Variants in HEATR5B observed in about 807,000 individuals in gnomAD.
HEATR5B encodes the protein HEAT repeat-containing protein 5B.
HEATR5B carries 156 observed loss-of-function variants against 224.1 expected under a neutral mutation model. That is an observed-to-expected ratio of 0.70 (90% CI 0.61 to 0.80). HEATR5B has a LOEUF of 0.80. Ranked by LOEUF, HEATR5B falls within the 30% of genes least tolerant of loss-of-function variation. The pLI is 0.00. For synonymous variants in HEATR5B, 1,027 were observed against 893.0 expected, an observed-to-expected ratio of 1.15 and a Z score of -2.68; for missense variants, 2,323 against 2,535.5, an observed-to-expected ratio of 0.92 and a Z score of 1.80.
At chr2:37,051,976 G>C (rs1558346966) in intron 17 of HEATR5B, among the ~76,000 whole-genome samples, 1 of 152,082 alleles carries the variant, frequency 6.6e-6, no homozygotes. Flanking sequence ...CTGACCTCAG[G>C]TGATCCCCCC....
rs1162932870 is a variant in HEATR5B, at chr2:37,079,170, A to AT, written c.287dup (p.Asn96LysfsTer2). 6.2e-7 allele frequency: 1 copy of AT among 1,610,802 alleles called. No individual in the cohort carries two copies. Among genetic ancestry groups the AT allele is most frequent in the Non-Finnish European group, 8.5e-7 (1 of 1,177,664 alleles). ...TGTCATCTTTATTTCTGATAATGTC[A>AT]TTGCATTTATCAAGTGTCTGAAAAA... On this transcript the variant is annotated frameshift_variant, in exon 3 of 36. Coordinates refer to ENST00000233099, the MANE Select transcript of HEATR5B (RefSeq NM_019024.3). LOFTEE classifies it high-confidence loss of function.
At chr2:37,078,707 C>T (rs189086575) in intron 3 of HEATR5B, among the ~76,000 whole-genome samples, 208 of 152,216 alleles carry the variant, frequency 1.4e-3, no homozygotes, top group Middle Eastern at 3.4e-3. Context: ...TCTCCATTTC[C>T]TCTGTAAGCT....
At chr2:37,047,026 A>ACT (rs1262716825) in intron 18 of HEATR5B, among the ~76,000 whole-genome samples, 20 of 115,386 alleles carry the variant, frequency 1.7e-4, no homozygotes, top group African/African-American at 7.9e-4. Flanking sequence ...ACAGAACCAG[A>ACT]CTCCACCTCA....
chr2:37,020,064 C>T (rs1424672524), intron 25 of HEATR5B, among the ~76,000 whole-genome samples, 187 bp from the exon 26 acceptor site: 2 of 152,072 alleles, frequency 1.3e-5, no homozygotes, highest in Non-Finnish European at 2.9e-5. Flanking sequence ...CCACTACTGC[C>T]AGGCTAATTT....
chr2:37,008,899 A>T, intron 27 of HEATR5B, 51 bp from the exon 28 acceptor site: 1 of 1,098,384 alleles, frequency 9.1e-7, no homozygotes, highest in Non-Finnish European at 1.3e-6. Context: ...ATAAAAAAAT[A>T]AGATATTTTA....
At position 37,061,968 on chromosome 2, in the gene HEATR5B, C is replaced by A. The variant is rs760655140; in HGVS notation, c.1667G>T (p.Trp556Leu). The change falls in exon 11 of 36, where the codon TGG (tryptophan) becomes TTG (leucine). Residue 556 changes from tryptophan (W) to leucine (L), a missense_variant. Physicochemically the swap from Trp to Leu is moderately conservative, Grantham distance 61 (BLOSUM62 -2). This residue lies in a region of HEATR5B where 502 missense variants were observed against 517.8 expected (regional missense o/e 0.97). Coordinates refer to ENST00000233099, the MANE Select transcript of HEATR5B (RefSeq NM_019024.3). ...AGTCATAAGTGCTCCAAGTAAAAGCCAGCCAGCTTGGGTGCGCTGTAAAGA... is the reference window on the plus strand; with the variant it reads ...AGTCATAAGTGCTCCAAGTAAAAGCAAGCCAGCTTGGGTGCGCTGTAAAGA... ...RLSLQRTQAG[W>L]LLLGALMTLG... is the part of the protein sequence containing the mutation. 1 of 1,613,694 alleles carries A rather than the reference C, an allele frequency of 6.2e-7. No homozygotes were observed. Among genetic ancestry groups the A allele is most frequent in the East Asian group, 2.2e-5 (1 of 44,852 alleles).
intron 24 of HEATR5B, among the ~76,000 whole-genome samples, chr2:37,023,481 A>G (rs150941013): frequency 6.6e-6 from 1 of 152,286 alleles, no homozygotes; most frequent in African/African-American, 2.4e-5. Context: ...TTTAAAAAGA[A>G]TATCTGGCCA....
intron 16 of HEATR5B, among the ~76,000 whole-genome samples, chr2:37,054,766 A>T (rs572541177): frequency 5.3e-5 from 8 of 152,200 alleles, no homozygotes; most frequent in Non-Finnish European, 8.8e-5. Context: ...AACAGGTGTG[A>T]GCCACAACGC....
chr2:37,013,898 C>A lies in HEATR5B; in HGVS notation c.4227G>T (p.Leu1409=), dbSNP rs1275645844. Residue 1409 remains leucine (L), a synonymous_variant, in exon 27 of 36, where the codon CTG becomes CTT. Transcript: ENST00000233099. The part of the protein sequence containing the change: ...VQAGKGSSSQ[L]YRESATTMEK... The stretch of plus-strand genomic sequence containing the variant: ...CCATGGTCGTGGCACTCTCTCGGTA[C>A]AGCTGGCTGGAAGATCCTTTTCCAG... The A allele has an allele frequency of 6.2e-7, 1 of 1,612,902 alleles. No individual in the cohort carries two copies. The highest frequency in any genetic ancestry group is 8.5e-7 in the Non-Finnish European group (1 of 1,179,424).
At chr2:36,994,729 A>T (rs1055134933) in intron 33 of HEATR5B, among the ~76,000 whole-genome samples, 5 of 151,788 alleles carry the variant, frequency 3.3e-5, no homozygotes, top group African/African-American at 1.2e-4. Flanking sequence ...ACAAAAATTA[A>T]ATTAATTATT....
intron 8 of HEATR5B, among the ~76,000 whole-genome samples, chr2:37,066,521 C>T (rs2148575868): frequency 6.6e-6 from 1 of 152,248 alleles, no homozygotes; most frequent in East Asian, 1.9e-4. Flanking sequence ...CCTTAAGTTA[C>T]CTCTTACTGG....
rs542486651 is a variant in HEATR5B at position 37,015,410 on chromosome 2, A to G, written c.4105-1390T>C. ...GTAAGTAATATGTTAAGTGTCTTTTATAATACCATAGAACAGAGATGATAC... is the reference window on the plus strand; with the variant it reads ...GTAAGTAATATGTTAAGTGTCTTTTGTAATACCATAGAACAGAGATGATAC... On this transcript the variant is annotated intron_variant, in intron 26 of 35. Transcript: ENST00000233099. 1.1e-4 allele frequency among the ~76,000 whole-genome samples: 16 copies of G among 152,356 alleles called. No individual in the cohort carries two copies. In the South Asian group the frequency reaches 2.5e-3, roughly 24 times the overall value.
intron 18 of HEATR5B, among the ~76,000 whole-genome samples, chr2:37,045,619 C>A (rs771591793): frequency 1.2e-4 from 19 of 152,168 alleles, no homozygotes; most frequent in Non-Finnish European, 2.2e-4. Flanking sequence ...GTATTCTGCA[C>A]ATATCAGTAT....
chr2:37,029,578 C>CGCTTAA (rs1668990965), intron 22 of HEATR5B, among the ~76,000 whole-genome samples: 1 of 151,374 alleles, frequency 6.6e-6, no homozygotes, highest in African/African-American at 2.4e-5. Flanking sequence ...GCAGGAGAAT[C>CGCTTAA]ACCTGAACCC....
rs1231995062 is a variant in HEATR5B, at chr2:37,005,754, T to G, written c.4783A>C (p.Ser1595Arg). 6.3e-7 allele frequency: 1 copy of G among 1,585,940 alleles called. No homozygotes were observed. The highest frequency in any genetic ancestry group is 8.5e-7 in the Non-Finnish European group (1 of 1,171,212). The change falls in exon 30 of 36, where the codon AGT (serine) becomes CGT (arginine). Residue 1595 changes from serine (S) to arginine (R), a missense_variant. Ser to Arg is a moderately radical substitution (Grantham distance 110, BLOSUM62 -1). This residue lies in a region of HEATR5B where 844 missense variants were observed against 812.9 expected (regional missense o/e 1.04). Coordinates refer to ENST00000233099, the MANE Select transcript of HEATR5B (RefSeq NM_019024.3). ...CTAGGGGAACAAAGAAACTGTATAC[T>G]CACACCTGAAATGCACAAAATAAAA... ...KDRMHLILGVSIQFLCSPRPE... is the reference protein window; with the variant it reads ...KDRMHLILGVRIQFLCSPRPE...
chr2:36,986,124 G>A (rs537833680), intron 35 of HEATR5B, among the ~76,000 whole-genome samples: 33 of 152,230 alleles, frequency 2.2e-4, no homozygotes, highest in African/African-American at 6.7e-4. Context: ...GGATTACAAA[G>A]TGAGTAAGAT....
intron 33 of HEATR5B, among the ~76,000 whole-genome samples, chr2:36,992,665 T>C (rs1414879793): frequency 6.6e-6 from 1 of 152,242 alleles, no homozygotes; most frequent in Non-Finnish European, 1.5e-5. Context: ...TAGAATATAA[T>C]CTCTTACTCA....
chr2:37,035,105 G>C (rs368750149), intron 21 of HEATR5B, among the ~76,000 whole-genome samples: 11 of 152,252 alleles, frequency 7.2e-5, no homozygotes, highest in African/African-American at 2.4e-4. Flanking sequence ...TTTTAATTTA[G>C]TAACAATTAC....
Position 37,002,429 on chromosome 2 carries a change from T to G in HEATR5B, c.5194A>C (p.Thr1732Pro), listed in dbSNP as rs1195460898. 1.9e-6 allele frequency: 3 copies of G among 1,614,234 alleles called. No individual in the cohort carries two copies. The highest frequency in any genetic ancestry group is 1.7e-5 in the Admixed American group (1 of 60,018). ...TGACTTGGAGAGTCTGACACCTTGG[T>G]ACTGAGATGTGGCATATGCCGTACT... The part of the protein sequence containing the change: ...ILVRHMPHLS[T>P]KVSDSPSHIA... Residue 1732 changes from threonine to proline, a missense_variant, in exon 32 of 36, where the codon ACC becomes CCC. Physicochemically the swap from Thr to Pro is conservative, Grantham distance 38. This residue lies in a region of HEATR5B where 844 missense variants were observed against 812.9 expected (regional missense o/e 1.04). Transcript: ENST00000233099.
Sources: gnomAD v4.1 joint callset for allele counts (sites outside exome capture counted in the v4.1 genomes callset) on GRCh38, gnomAD v4.1.1 for gene constraint, gnomAD v4.1.1 regional missense constraint, MANE v1.5 for transcripts, NCBI Gene and HGNC (gene_info 2026-07-23, HGNC 2026-07-21) for gene names.